Variants in SLC13A3 observed in about 807,000 individuals in gnomAD.
SLC13A3 encodes the protein solute carrier family 13 member 3, also known as Na(+)/dicarboxylate cotransporter 3.
Under a neutral mutation model 59.0 loss-of-function variants are expected in SLC13A3, and 40 were observed. That is an observed-to-expected ratio of 0.68 (90% CI 0.53 to 0.88). SLC13A3 has a LOEUF of 0.88. SLC13A3 is among the 40% of genes least tolerant of loss of function. The pLI is 0.00. For synonymous variants in SLC13A3, 317 were observed against 330.3 expected (o/e 0.96, Z 0.44); for missense variants, 699 against 783.2 (o/e 0.89, Z 1.28).
intron 10 of SLC13A3, among the ~76,000 whole-genome samples, chr20:46,574,543 C>A (rs1320171516): frequency 2.0e-5 from 3 of 152,188 alleles, no homozygotes; most frequent in Admixed American, 1.3e-4. Flanking sequence ...ACCCTGGTCC[C>A]AGCCCTGACT....
intron 9 of SLC13A3, among the ~76,000 whole-genome samples, chr20:46,579,754 G>A (rs553412518): frequency 7.4e-4 from 113 of 152,346 alleles, no homozygotes; most frequent in African/African-American, 2.5e-3. Context: ...ACTTGAATGA[G>A]TTGCCAATAT....
At chr20:46,626,202 CCT>C (rs1568943748) in intron 1 of SLC13A3, among the ~76,000 whole-genome samples, 1 of 148,844 alleles carries the variant, frequency 6.7e-6, no homozygotes, top group African/African-American at 2.5e-5. Context: ...CTTCCCACTC[CCT>C]CTGTCTGTCC....
At chr20:46,644,197 G>T (rs1356135335) in intron 1 of SLC13A3, among the ~76,000 whole-genome samples, 1 of 152,062 alleles carries the variant, frequency 6.6e-6, no homozygotes, top group African/African-American at 2.4e-5. Context: ...CTTTTTGTGG[G>T]GGTTAAACTA....
chr20:46,593,005 T>C (rs1184141157), intron 5 of SLC13A3, among the ~76,000 whole-genome samples: 2 of 152,238 alleles, frequency 1.3e-5, no homozygotes, highest in African/African-American at 4.8e-5. Context: ...ATAACACATC[T>C]GCAGGCTGAA....
intron 1 of SLC13A3, among the ~76,000 whole-genome samples, chr20:46,626,422 A>C (rs2062673328): frequency 6.6e-6 from 1 of 152,052 alleles, no homozygotes; most frequent in South Asian, 2.1e-4. Context: ...ATGACTCCAG[A>C]TACAGCACAT....
At chr20:46,655,426 T>C (rs973667228), upstream of SLC13A3, among the ~76,000 whole-genome samples, 1 of 149,180 alleles carries the variant, frequency 6.7e-6, no homozygotes, top group African/African-American at 2.4e-5. Flanking sequence ...ACAGGAAGCA[T>C]GGTGCTGGCA....
At chr20:46,601,669 C>T (rs1011725176) in intron 3 of SLC13A3, among the ~76,000 whole-genome samples, 2 of 152,182 alleles carry the variant, frequency 1.3e-5, no homozygotes, top group African/African-American at 2.4e-5. Context: ...TGGGGTGAGA[C>T]ACCTTCTTCA....
chr20:46,641,829 A>G (rs1279102784), intron 1 of SLC13A3, among the ~76,000 whole-genome samples: 1 of 152,134 alleles, frequency 6.6e-6, no homozygotes, highest in Non-Finnish European at 1.5e-5. Flanking sequence ...GCCTGCAAGC[A>G]TTCCTTCATA....
At position 46,564,319 on chromosome 20, in the gene SLC13A3, G is replaced by A. The variant is rs117208479; in HGVS notation, c.1495-768C>T. Among the ~76,000 whole-genome samples, 1,051 of 152,290 alleles carry A rather than the reference G, an allele frequency of 6.9e-3. 24 individuals carry two copies. The East Asian group carries it at 0.077, about 11-fold the overall frequency. ...GGGCCACCAGTTTGTCACCTCTCCT[G>A]CCTACAATTCATACTGATCACTTTT... On this transcript the variant is annotated intron_variant, in intron 11 of 12. Coordinates refer to ENST00000279027, the MANE Select transcript of SLC13A3 (RefSeq NM_022829.6).
chr20:46,619,664 A>G lies in SLC13A3; in HGVS notation c.112-5939T>C, dbSNP rs148378401. Among the ~76,000 whole-genome samples the G allele has an allele frequency of 5.5e-3, 844 of 152,258 alleles. 5 individuals are homozygous for G. Among genetic ancestry groups the G allele is most frequent in the Non-Finnish European group, 0.01 (685 of 68,014 alleles). ...CTGTTATCTTGGACACAGTTCTCTC[A>G]GCAGTCTACGCTGCTTGTCATTCTC... On this transcript the variant is annotated intron_variant, in intron 1 of 12. Transcript: ENST00000279027.
In SLC13A3 at chr20:46,572,504, T is replaced by G. The variant is rs527689481; in HGVS notation, c.1332+3069A>C. Reference sequence around the variant, plus strand: ...TGCTCCCCACACCACTTCTGGAGCTTAGGGAAACCTCTGGATCAGGGTCAT... The same window carrying G: ...TGCTCCCCACACCACTTCTGGAGCTGAGGGAAACCTCTGGATCAGGGTCAT... On this transcript the variant is annotated intron_variant, in intron 10 of 12. Transcript: ENST00000279027. Among the ~76,000 whole-genome samples, 74 of 152,144 alleles carry G rather than the reference T, an allele frequency of 4.9e-4. 1 individual carries two copies. Among genetic ancestry groups the G allele is most frequent in the Non-Finnish European group, 8.4e-4 (57 of 67,984 alleles).
chr20:46,563,633 G>GAGAGACAGAGAGC, intron 11 of SLC13A3, 82 bp from the exon 12 acceptor site: 1 of 396,752 alleles, frequency 2.5e-6, no homozygotes, highest in Non-Finnish European at 3.7e-6. Context: ...AGAGAGAGAG[G>GAGAGACAGAGAGC]CAGTTGGAAA....
chr20:46,586,870 T>C (rs553340901), intron 8 of SLC13A3, among the ~76,000 whole-genome samples: 6 of 152,348 alleles, frequency 3.9e-5, no homozygotes, highest in Non-Finnish European at 7.3e-5. Flanking sequence ...ATGGTGTTTG[T>C]CTGGACTCAC....
intron 8 of SLC13A3, among the ~76,000 whole-genome samples, chr20:46,586,770 C>T (rs1168602868): frequency 6.6e-6 from 1 of 152,180 alleles, no homozygotes; most frequent in African/African-American, 2.4e-5. Flanking sequence ...CCATTGCTAC[C>T]ACCCTCACTC....
At chr20:46,630,760 A>G (rs2062728399) in intron 1 of SLC13A3, among the ~76,000 whole-genome samples, 1 of 152,332 alleles carries the variant, frequency 6.6e-6, no homozygotes, top group South Asian at 2.1e-4. Context: ...TAATCTTTCT[A>G]CAACAAATAT....
chr20:46,629,844 C>T (rs759217226), intron 1 of SLC13A3, among the ~76,000 whole-genome samples: 6 of 152,130 alleles, frequency 3.9e-5, no homozygotes, highest in African/African-American at 1.4e-4. Flanking sequence ...AATATCTGTC[C>T]GATAGTTTCT....
intron 1 of SLC13A3, among the ~76,000 whole-genome samples, chr20:46,626,157 C>T (rs1290604216): frequency 6.6e-6 from 1 of 150,786 alleles, no homozygotes; most frequent in Non-Finnish European, 1.5e-5. Context: ...GTCTCTCTCT[C>T]CCCCCTTCTT....
At chr20:46,629,313 G>C (rs1364211071) in intron 1 of SLC13A3, among the ~76,000 whole-genome samples, 2 of 152,016 alleles carry the variant, frequency 1.3e-5, no homozygotes, top group Non-Finnish European at 2.9e-5. Flanking sequence ...TGAATTTTTT[G>C]CCTGGATATC....
At chr20:46,621,385 A>G (rs1294026333) in intron 1 of SLC13A3, among the ~76,000 whole-genome samples, 1 of 152,194 alleles carries the variant, frequency 6.6e-6, no homozygotes, top group Non-Finnish European at 1.5e-5. Flanking sequence ...TCAGTTAATA[A>G]TGTAAAACAA....
Sources: gnomAD v4.1 joint callset for allele counts (sites outside exome capture counted in the v4.1 genomes callset) on GRCh38, gnomAD v4.1.1 for gene constraint, MANE v1.5 for transcripts, NCBI Gene and HGNC (gene_info 2026-07-23, HGNC 2026-07-21) for gene names.